Variants in COL6A6 observed in about 807,000 individuals in gnomAD.
The protein encoded by COL6A6 is collagen type VI alpha 6 chain, also known as collagen alpha-6(VI) chain.
In COL6A6, 183 loss-of-function variants were observed where a neutral mutation model predicts 208.6. The ratio of observed to expected loss-of-function variants is 0.88; its 90% CI spans 0.78 to 0.99. The LOEUF is 0.99. Ranked by LOEUF, COL6A6 falls within the 50% of genes least tolerant of loss-of-function variation. The pLI is 0.00. For missense variants in COL6A6, 2,816 were observed against 2,815.2 expected (o/e 1.00, Z -0.01); for synonymous variants, 973 against 1,011.8 (o/e 0.96, Z 0.73).
At chr3:130,553,226 A>T (rs890798503) in intron 1 of COL6A6, among the ~76,000 whole-genome samples, 2 of 152,208 alleles carry the variant, frequency 1.3e-5, no homozygotes, top group Non-Finnish European at 2.9e-5. Flanking sequence ...CATGGATGAC[A>T]TCCTGAAAAA....
intron 27 of COL6A6, 67 bp from the exon 28 acceptor site, chr3:130,635,632 A>G (rs2065089593): frequency 5.6e-6 from 6 of 1,065,346 alleles, no homozygotes; most frequent in South Asian, 1.4e-5. Context: ...CAGTTTAAAG[A>G]TGCAAATATG....
chr3:130,642,241 A>ATGTGTGTG (rs1435927175), intron 29 of COL6A6, among the ~76,000 whole-genome samples: 7 of 96,846 alleles, frequency 7.2e-5, no homozygotes, highest in East Asian at 3.3e-4. Context: ...CTGACAGATT[A>ATGTGTGTG]TATGTGTGTG....
chr3:130,571,110 G>A lies in COL6A6; in HGVS notation c.2694G>A (p.Met898Ile). ...TAEALGFSDH[M>I]FTEARGSRLN... ...AGGCACTGGGCTTCTCAGACCACAT[G>A]TTCACTGAAGCCCGGGGCAGCCGCC... is the stretch of plus-strand genomic sequence containing the variant. Residue 898 changes from methionine to isoleucine, a missense_variant, in exon 7 of 37, where the codon ATG (methionine) becomes ATA (isoleucine). Coordinates refer to ENST00000358511, the MANE Select transcript of COL6A6 (RefSeq NM_001102608.3). 1 of 1,613,806 alleles carries A rather than the reference G, an allele frequency of 6.2e-7. No individual in the cohort carries two copies. Among genetic ancestry groups the A allele is most frequent in the South Asian group, 1.1e-5 (1 of 91,066 alleles).
chr3:130,611,594 A>G (rs1274113809), intron 23 of COL6A6, among the ~76,000 whole-genome samples: 5 of 152,242 alleles, frequency 3.3e-5, no homozygotes, highest in African/African-American at 1.2e-4. Flanking sequence ...TGAATCAAAC[A>G]GTAAATGAGT....
At chr3:130,575,894 C>T (rs1204686055) in intron 8 of COL6A6, among the ~76,000 whole-genome samples, 1 of 152,062 alleles carries the variant, frequency 6.6e-6, no homozygotes, top group Admixed American at 6.5e-5. Flanking sequence ...CTCTCCATCA[C>T]AGTTTTTTTT....
Position 130,653,442 on chromosome 3 carries a change from G to T in COL6A6, c.5733+3880G>T, listed in dbSNP as rs1004643648. ...AATTTTTATTTGTTTATATATAATT[G>T]TCTAGAAGAGAATTATTCATAATAT... On this transcript the variant is annotated intron_variant, in intron 33 of 36. Transcript: ENST00000358511. Among the ~76,000 whole-genome samples the T allele has an allele frequency of 5.9e-5, 9 of 152,224 alleles. No individual in the cohort carries two copies. In the South Asian group the frequency reaches 1.7e-3, roughly 28 times the overall value.
At chr3:130,606,187 C>T (rs2064177787) in intron 20 of COL6A6, among the ~76,000 whole-genome samples, 1 of 152,208 alleles carries the variant, frequency 6.6e-6, no homozygotes, top group Non-Finnish European at 1.5e-5. Context: ...TTTACTTTTA[C>T]TATAACATTA....
At chr3:130,662,359 T>C in intron 35 of COL6A6, 51 bp downstream of exon 35, 1 of 1,530,464 alleles carries the variant, frequency 6.5e-7, no homozygotes, top group East Asian at 2.3e-5. Flanking sequence ...TACTTGGTAT[T>C]ACTAAAAAAA....
chr3:130,634,480 C>T (rs941899649), intron 26 of COL6A6, 110 bp from the exon 27 acceptor site: 16 of 905,094 alleles, frequency 1.8e-5, no homozygotes, highest in Middle Eastern at 2.1e-4. Flanking sequence ...TTGGCCCTTC[C>T]TTAATTCAGA....
At chr3:130,552,800 A>G (rs1047040806) in intron 1 of COL6A6, among the ~76,000 whole-genome samples, 1 of 116,530 alleles carries the variant, frequency 8.6e-6, no homozygotes. Flanking sequence ...TTTCCTTTCT[A>G]TATGTAGCAG....
chr3:130,531,954 C>T (rs1260383696), intron 1 of COL6A6, among the ~76,000 whole-genome samples: 5 of 152,148 alleles, frequency 3.3e-5, no homozygotes, highest in African/African-American at 1.2e-4. Flanking sequence ...AGAGATAGCA[C>T]AGGGGAAGAG....
intron 1 of COL6A6, among the ~76,000 whole-genome samples, chr3:130,539,399 G>A (rs771008910): frequency 6.6e-6 from 1 of 152,244 alleles, no homozygotes; most frequent in Non-Finnish European, 1.5e-5. Flanking sequence ...ACTTCGGGAG[G>A]CCGAGGCCGG....
At chr3:130,545,804 C>T (rs1266065620) in intron 1 of COL6A6, among the ~76,000 whole-genome samples, 5 of 152,108 alleles carry the variant, frequency 3.3e-5, no homozygotes, top group African/African-American at 7.2e-5. Flanking sequence ...AAGTGTTATG[C>T]GTTGGTGTAC....
intron 36 of COL6A6, among the ~76,000 whole-genome samples, chr3:130,665,662 T>A (rs2066057449): frequency 6.6e-6 from 1 of 152,172 alleles, no homozygotes; most frequent in African/African-American, 2.4e-5. Flanking sequence ...TATAGAGGAC[T>A]TCCAAAAATG....
Position 130,628,752 on chromosome 3 carries a change from A to C in COL6A6, c.4992+1383A>C, listed in dbSNP as rs1275049547. 3.7e-4 allele frequency among the ~76,000 whole-genome samples: 24 copies of C among 65,362 alleles called. 2 individuals are homozygous for C. In the South Asian group the frequency reaches 7.6e-3, roughly 21 times the overall value. 42.9% of individuals were successfully genotyped at this position (65,362 alleles called of 152,430 possible). ...TCGTGTCGAAGATGGCCGAATAGGA[A>C]CAGCTCCGGTCTACAGCTCCCTGCG... is the stretch of plus-strand genomic sequence containing the variant. On this transcript the variant is annotated intron_variant, in intron 26 of 36. Transcript: ENST00000358511.
At chr3:130,569,981 T>C (rs1037614001) in intron 6 of COL6A6, among the ~76,000 whole-genome samples, 5 of 152,218 alleles carry the variant, frequency 3.3e-5, no homozygotes, top group South Asian at 2.1e-4. Context: ...GATGAGTTAA[T>C]GTTTGGATCA....
Position 130,571,015 on chromosome 3 carries a change from G to A in COL6A6, c.2599G>A (p.Gly867Ser), listed in dbSNP as rs764872377. The change falls in exon 7 of 37, where the codon GGC becomes AGC. Residue 867 changes from glycine to serine, a missense_variant. By Grantham distance (56) the Gly-to-Ser change is moderately conservative. Coordinates refer to ENST00000358511, the MANE Select transcript of COL6A6 (RefSeq NM_001102608.3). ...GGTGCTGTTTTATCTGGATGACTTT[G>A]GCACAAAACTGGAGGTAATTTCAGT... ...PEVLFYLDDF[G>S]TKLEVISVLQ... The A allele has an allele frequency of 7.4e-6, 12 of 1,613,832 alleles. No homozygotes were observed. The East Asian group carries it at 2.0e-4, about 27-fold the overall frequency.
chr3:130,543,506 C>T (rs192641801), intron 1 of COL6A6, among the ~76,000 whole-genome samples: 42 of 152,244 alleles, frequency 2.8e-4, no homozygotes, highest in Admixed American at 2.2e-3. Flanking sequence ...ATAACAGTTA[C>T]ACTTCCTTTT....
At chr3:130,614,098 A>G (rs1443784985) in intron 23 of COL6A6, among the ~76,000 whole-genome samples, 1 of 152,122 alleles carries the variant, frequency 6.6e-6, no homozygotes, top group African/African-American at 2.4e-5. Flanking sequence ...TCTGGTTTTC[A>G]AGGGGAAGGC....
Sources: allele counts gnomAD v4.1 joint callset (sites outside exome capture counted in the v4.1 genomes callset), GRCh38; gene constraint gnomAD v4.1.1; transcripts MANE v1.5; gene names NCBI Gene and HGNC (gene_info 2026-07-23, HGNC 2026-07-21).